The following C19orf44 variants were observed in gnomAD, a reference collection of about 807,000 sequenced individuals.
C19orf44 encodes the protein uncharacterized protein C19orf44.
C19orf44 carries 43 observed loss-of-function variants against 50.7 expected under a neutral mutation model. That is an observed-to-expected ratio of 0.85 (90% CI 0.66 to 1.09). C19orf44 has a LOEUF of 1.09. Among genes scored for constraint, C19orf44 ranks in the 50% least tolerant of loss-of-function variants. The pLI, the probability that C19orf44 is intolerant of heterozygous loss-of-function variation, is 0.00. For synonymous variants in C19orf44, 298 were observed against 334.7 expected (o/e 0.89, Z 1.20); for missense variants, 722 against 836.2 (o/e 0.86, Z 1.68).
rs1045270625 is a variant in C19orf44, at chr19:16,519,509, C to T, written c.*41-585C>T. 24 of 1,248,408 alleles carry T rather than the reference C, an allele frequency of 1.9e-5. No homozygotes were observed. In the Admixed American group the frequency reaches 2.2e-4, roughly 11 times the overall value. The allele number at this position is 1,248,408 out of a possible 1,614,324, so 77.3% of individuals were successfully genotyped here. A position where few individuals can be genotyped will look rare whatever the true frequency, so the allele number is the denominator to read the frequency against. ...TAGAGGGTCTGGGTGGAGTCAGAAC[C>T]GGCCTGACTCCATCCATCCCCACAT... is the stretch of plus-strand genomic sequence containing the variant. On this transcript the variant is annotated intron_variant, in intron 8 of 8. Transcript: ENST00000221671. This position sits in a 1 kb window ranked among gnomAD's most constrained non-coding sequence, Gnocchi z 6.0.
intron 1 of C19orf44, among the ~76,000 whole-genome samples, chr19:16,497,979 TGTC>T (rs2122162579): frequency 6.6e-6 from 1 of 152,046 alleles, no homozygotes; most frequent in African/African-American, 2.4e-5. Flanking sequence ...TGGCAATGTG[TGTC>T]TGTAGTCCCA....
rs531847941 is a variant in C19orf44, at chr19:16,509,160, T to C, written c.1150-339T>C. 4.5e-4 allele frequency among the ~76,000 whole-genome samples: 68 copies of C among 152,038 alleles called. 1 individual carries two copies. The South Asian group carries it at 9.2e-3, about 20-fold the overall frequency. On this transcript the variant is annotated intron_variant, in intron 4 of 8. Coordinates refer to ENST00000221671, the MANE Select transcript of C19orf44 (RefSeq NM_032207.4). ...TTTTTTTTCTTATAGAGGTAGGGTC[T>C]TGCTGTGTTGCCCAGGCAGGTCTTG...
At chr19:16,515,745 T>C (rs1253766176) in intron 7 of C19orf44, among the ~76,000 whole-genome samples, 1 of 151,984 alleles carries the variant, frequency 6.6e-6, no homozygotes, top group East Asian at 1.9e-4. Flanking sequence ...CGTATTTCTT[T>C]ATAGAAATGG....
Position 16,506,840 on chromosome 19 carries a change from T to G in C19orf44, c.1149+66T>G, listed in dbSNP as rs1249641020. The G allele has an allele frequency of 3.2e-6, 4 of 1,238,706 alleles. No homozygotes were observed. In the South Asian group the frequency reaches 4.2e-5, roughly 13 times the overall value. 76.7% of individuals were successfully genotyped at this position (1,238,706 alleles called of 1,614,324 possible). A position where few individuals can be genotyped will look rare whatever the true frequency, so the allele number is the denominator to read the frequency against. ...GGCTTCAACATTTTTTTTTTTAAAT[T>G]TTTAAAAAATTTAAAAATTGAGGCA... On this transcript the variant is annotated intron_variant, in intron 4 of 8. Transcript: ENST00000221671.
In C19orf44 at chr19:16,503,725, G is replaced by A. The variant is rs576934519; in HGVS notation, c.1075+345G>A. Among the ~76,000 whole-genome samples the A allele has an allele frequency of 1.4e-3, 218 of 151,992 alleles. 1 individual carries two copies. The highest frequency in any genetic ancestry group is 2.4e-3 in the Admixed American group (36 of 15,226). The stretch of plus-strand genomic sequence containing the variant: ...GACCACAAGCGTGTGCCACCACACC[G>A]GGCTAATTTTTGTACTCTTTGTGGA... On this transcript the variant is annotated intron_variant, in intron 3 of 8. Coordinates refer to ENST00000221671, the MANE Select transcript of C19orf44 (RefSeq NM_032207.4).
chr19:16,503,181 T>C lies in C19orf44; in HGVS notation c.876T>C (p.Thr292=). The part of the protein sequence containing the change: ...SLAADRTLHS[T]RSRADYPQSH... The stretch of plus-strand genomic sequence containing the variant: ...CAGCAGACAGAACCCTTCACAGCAC[T>C]CGCTCAAGAGCAGACTACCCACAGA... The change falls in exon 3 of 9, where the codon ACT becomes ACC. Residue 292 remains threonine (T), a synonymous_variant. Coordinates refer to ENST00000221671, the MANE Select transcript of C19orf44 (RefSeq NM_032207.4). 2 of 1,614,042 alleles carry C rather than the reference T, an allele frequency of 1.2e-6. No homozygotes were observed. The highest frequency in any genetic ancestry group is 2.2e-5 in the East Asian group (1 of 44,878).
intron 4 of C19orf44, among the ~76,000 whole-genome samples, chr19:16,507,946 G>A (rs2093445121): frequency 6.6e-6 from 1 of 151,854 alleles, no homozygotes; most frequent in Admixed American, 6.6e-5. Context: ...TGGGACTATA[G>A]GCGCCCACCA....
At chr19:16,498,143 T>G (rs531142277) in intron 1 of C19orf44, among the ~76,000 whole-genome samples, 1 of 152,130 alleles carries the variant, frequency 6.6e-6, no homozygotes, top group African/African-American at 2.4e-5. Context: ...TTGCATACAT[T>G]TGCATTTCTC....
chr19:16,497,922 C>T (rs946288153), intron 1 of C19orf44, among the ~76,000 whole-genome samples: 3 of 152,040 alleles, frequency 2.0e-5, no homozygotes, highest in Non-Finnish European at 2.9e-5. Flanking sequence ...TGAGAACAGC[C>T]TGGGCAACAC....
In C19orf44 at chr19:16,506,707, GAATA is replaced by G. The variant is rs1285823870; in HGVS notation, c.1087_1090del (p.Asn363PhefsTer98). On this transcript the variant is annotated frameshift_variant, in exon 4 of 9. Transcript: ENST00000221671. LOFTEE classifies it high-confidence loss of function. ...ACTCATTTTTTAATTACAGAGTTTA[GAATA>G]AATATTTTATCGCTTGACGGTCTGG... 8 of 1,595,382 alleles carry G rather than the reference GAATA, an allele frequency of 5.0e-6. No individual in the cohort carries two copies. The highest frequency in any genetic ancestry group is 6.0e-6 in the Non-Finnish European group (7 of 1,170,106).
Position 16,520,054 on chromosome 19 carries a change from TA to T in C19orf44, c.*41-38del. ...CCCCGGGCTAATGCTGGCGGCCTCC[TA>T]ACACAGTCTCCTAACCACCAATGTT... On this transcript the variant is annotated intron_variant, in intron 8 of 8. Coordinates refer to ENST00000221671, the MANE Select transcript of C19orf44 (RefSeq NM_032207.4). This position sits in a 1 kb window ranked among gnomAD's most constrained non-coding sequence, Gnocchi z 4.0. 1.5e-6 allele frequency: 2 copies of T among 1,343,266 alleles called. No individual in the cohort carries two copies. Among genetic ancestry groups the T allele is most frequent in the Non-Finnish European group, 2.1e-6 (2 of 953,336 alleles). 83.2% of individuals were successfully genotyped at this position (1,343,266 alleles called of 1,614,324 possible).
At chr19:16,517,166 C>A in intron 7 of C19orf44, 64 bp from the exon 8 acceptor site, 1 of 1,478,014 alleles carries the variant, frequency 6.8e-7, no homozygotes. Flanking sequence ...CCTCCTCCAG[C>A]ACCCTGTCTC....
chr19:16,509,547 G>T lies in C19orf44; in HGVS notation c.1198G>T (p.Glu400Ter). 6.3e-7 allele frequency: 1 copy of T among 1,580,422 alleles called. No homozygotes were observed. Among genetic ancestry groups the T allele is most frequent in the Non-Finnish European group, 8.6e-7 (1 of 1,164,152 alleles). ...AACAGCTGGCAAAATCTTCAGAGCC[G>T]AGGCGTCCACTGGGCAGGATGCCCC... ...QKTAGKIFRA[E>*]ASTGQDAPRQ... Residue 400 changes from glutamate to a stop codon, truncating the protein, a stop_gained, in exon 5 of 9, where the codon GAG becomes TAG. Coordinates refer to ENST00000221671, the MANE Select transcript of C19orf44 (RefSeq NM_032207.4). LOFTEE classifies it high-confidence loss of function.
chr19:16,520,788 C>A lies in C19orf44; in HGVS notation c.*735C>A. On this transcript the variant is annotated 3_prime_UTR_variant, in exon 9 of 9. Coordinates refer to ENST00000221671, the MANE Select transcript of C19orf44 (RefSeq NM_032207.4). The surrounding 1 kb of genome is among the most constrained non-coding windows in gnomAD (Gnocchi z 4.0). ...CTCCCACCCATCACAAGCTGTGGAC[C>A]CTGGCCCCCCGGCCACTGCAGACAT... The A allele has an allele frequency of 6.3e-7, 1 of 1,586,890 alleles. No homozygotes were observed.
In C19orf44 at chr19:16,500,937, A is replaced by G. The variant is rs760709118; in HGVS notation, c.145A>G (p.Arg49Gly). Residue 49 changes from arginine to glycine, a missense_variant, in exon 2 of 9, where the codon AGA becomes GGA. Transcript: ENST00000221671. Reference sequence around the variant, plus strand: ...TACCAAAATAGCACCTGGTCATAGCAGATTTCTAAAAAGAAACCAAACTCT... The same window carrying G: ...TACCAAAATAGCACCTGGTCATAGCGGATTTCTAAAAAGAAACCAAACTCT... ...NLTKIAPGHS[R>G]FLKRNQTLDE... 7 of 1,613,862 alleles carry G rather than the reference A, an allele frequency of 4.3e-6. No individual in the cohort carries two copies. Among genetic ancestry groups the G allele is most frequent in the Non-Finnish European group, 5.9e-6 (7 of 1,179,972 alleles).
At chr19:16,498,792 T>C (rs1000504630) in intron 1 of C19orf44, among the ~76,000 whole-genome samples, 1 of 152,034 alleles carries the variant, frequency 6.6e-6, no homozygotes, top group South Asian at 2.1e-4. Context: ...TGCCTCGGCC[T>C]CCTGAGTAGC....
Position 16,519,564 on chromosome 19 carries a change from C to A in C19orf44, c.*41-530C>A. 1 of 1,486,892 alleles carries A rather than the reference C, an allele frequency of 6.7e-7. No individual in the cohort carries two copies. Among genetic ancestry groups the A allele is most frequent in the South Asian group, 1.1e-5 (1 of 88,342 alleles). The allele number at this position is 1,486,892 out of a possible 1,614,324, so 92.1% of individuals were successfully genotyped here. A position where few individuals can be genotyped will look rare whatever the true frequency, so the allele number is the denominator to read the frequency against. ...TGAGGAAGAGAAAGCGCTGGTGACTCCCGGGCCCAGCACGCGTGAGGACCC... is the reference window on the plus strand; with the variant it reads ...TGAGGAAGAGAAAGCGCTGGTGACTACCGGGCCCAGCACGCGTGAGGACCC... On this transcript the variant is annotated intron_variant, in intron 8 of 8. Transcript: ENST00000221671. This position sits in a 1 kb window ranked among gnomAD's most constrained non-coding sequence, Gnocchi z 6.0.
At chr19:16,504,312 G>A (rs751329977) in intron 3 of C19orf44, among the ~76,000 whole-genome samples, 3 of 152,092 alleles carry the variant, frequency 2.0e-5, no homozygotes, top group Non-Finnish European at 2.9e-5. Flanking sequence ...CCACCCTAAG[G>A]TTCTGTGGTG....
Position 16,521,005 on chromosome 19 carries a change from G to C in C19orf44, c.*952G>C, listed in dbSNP as rs2085609096. On this transcript the variant is annotated 3_prime_UTR_variant, in exon 9 of 9. Transcript: ENST00000221671. Reference sequence around the variant, plus strand: ...TCAGGAGTTAATCCACAGAACCTTGGAGAGTACATGGCCCTGTGGCTGTGG... The same window carrying C: ...TCAGGAGTTAATCCACAGAACCTTGCAGAGTACATGGCCCTGTGGCTGTGG... The C allele has an allele frequency of 9.3e-7, 1 of 1,072,770 alleles. No homozygotes were observed. Among genetic ancestry groups the C allele is most frequent in the South Asian group, 1.3e-5 (1 of 79,676 alleles). 66.5% of individuals were successfully genotyped at this position (1,072,770 alleles called of 1,614,324 possible). A position where few individuals can be genotyped will look rare whatever the true frequency, so the allele number is the denominator to read the frequency against.
Sources: gnomAD v4.1 joint callset for allele counts (sites outside exome capture counted in the v4.1 genomes callset) on GRCh38, gnomAD v4.1.1 for gene constraint, Gnocchi (gnomAD v3.1) non-coding constraint, MANE v1.5 for transcripts, NCBI Gene and HGNC (gene_info 2026-07-23, HGNC 2026-07-21) for gene names.